Variants in FRMD4B observed in about 807,000 individuals in gnomAD.
FRMD4B encodes the protein FERM domain-containing protein 4B.
Under a neutral mutation model 141.5 loss-of-function variants are expected in FRMD4B, and 74 were observed. The observed-to-expected ratio is 0.52, with a 90% confidence interval of 0.43 to 0.63. The LOEUF is 0.63. FRMD4B is among the 30% of genes least tolerant of loss of function. The probability of loss-of-function intolerance (pLI) is 0.00; values close to 1 mark genes in which losing one functional copy is unlikely to be tolerated. For missense variants in FRMD4B, 1,366 were observed against 1,253.4 expected (o/e 1.09, Z -1.36); for synonymous variants, 506 against 467.9 (o/e 1.08, Z -1.05).
intron 17 of FRMD4B, among the ~76,000 whole-genome samples, chr3:69,190,291 A>G (rs1463474046): frequency 6.6e-6 from 1 of 152,228 alleles, no homozygotes; most frequent in Non-Finnish European, 1.5e-5. Context: ...GGAAAGAAAA[A>G]ATCATGCCAT....
chr3:69,399,208 C>A (rs566583161), intron 2 of FRMD4B, among the ~76,000 whole-genome samples: 1 of 152,142 alleles, frequency 6.6e-6, no homozygotes, highest in African/African-American at 2.4e-5. Flanking sequence ...TTTGGTACTT[C>A]GTTCATGGCC....
chr3:69,474,450 A>T (rs1218974160), intron 1 of FRMD4B, among the ~76,000 whole-genome samples: 3 of 152,116 alleles, frequency 2.0e-5, no homozygotes, highest in Non-Finnish European at 4.4e-5. Context: ...GTGTGTTCCA[A>T]GGGGAATTGG....
chr3:69,389,013 TC>T (rs1413003896), upstream of FRMD4B, among the ~76,000 whole-genome samples: 1 of 148,408 alleles, frequency 6.7e-6, no homozygotes, highest in East Asian at 2.0e-4. Context: ...CTCCCCAGTC[TC>T]CATTGTCTCT....
chr3:69,334,021 T>C (rs1702462356), intron 1 of FRMD4B: 1 of 152,202 alleles, frequency 6.6e-6, no homozygotes, highest in Non-Finnish European at 1.5e-5. Context: ...CATCCATCTC[T>C]AACAGGTCTC....
intron 1 of FRMD4B, among the ~76,000 whole-genome samples, chr3:69,454,958 T>C (rs1001792105): frequency 6.6e-6 from 1 of 152,250 alleles, no homozygotes; most frequent in East Asian, 1.9e-4. Flanking sequence ...CCATCAGCAT[T>C]CTGTGTCTAG....
At chr3:69,442,585 G>A (rs901882345) in intron 1 of FRMD4B, among the ~76,000 whole-genome samples, 3 of 152,024 alleles carry the variant, frequency 2.0e-5, no homozygotes, top group Admixed American at 2.0e-4. Flanking sequence ...GTATTTATGA[G>A]TATTAAATAC....
intron 1 of FRMD4B, among the ~76,000 whole-genome samples, chr3:69,540,760 C>A (rs1315534239): frequency 6.7e-6 from 1 of 150,306 alleles, no homozygotes; most frequent in African/African-American, 2.5e-5. Flanking sequence ...ACATCCCTTT[C>A]GGAGGCACTG....
At chr3:69,312,631 G>A (rs980582017) in intron 2 of FRMD4B, among the ~76,000 whole-genome samples, 3 of 152,232 alleles carry the variant, frequency 2.0e-5, no homozygotes, top group African/African-American at 7.2e-5. Flanking sequence ...GGGCGCAGAG[G>A]CTCACGCCTG....
chr3:69,478,419 G>C (rs892530656), intron 1 of FRMD4B, among the ~76,000 whole-genome samples: 37 of 152,118 alleles, frequency 2.4e-4, no homozygotes, highest in African/African-American at 8.7e-4. Context: ...TGTTCTCATT[G>C]GTTTCAAATA....
chr3:69,173,564 G>C (rs1422051401), intron 22 of FRMD4B, among the ~76,000 whole-genome samples: 2 of 152,044 alleles, frequency 1.3e-5, no homozygotes, highest in Non-Finnish European at 1.5e-5. Flanking sequence ...GAATTTTAGA[G>C]CAAATTTATA....
At chr3:69,217,780 T>C (rs1411783332) in intron 10 of FRMD4B, among the ~76,000 whole-genome samples, 3 of 152,230 alleles carry the variant, frequency 2.0e-5, no homozygotes, top group Admixed American at 1.3e-4. Flanking sequence ...TATAAAATTA[T>C]TTCTCTTCCA....
chr3:69,299,301 C>T (rs1037445198), intron 4 of FRMD4B, among the ~76,000 whole-genome samples: 16 of 152,180 alleles, frequency 1.1e-4, no homozygotes, highest in Non-Finnish European at 2.4e-4. Context: ...CTTTCCATGG[C>T]ATAAACAGTA....
intron 11 of FRMD4B, 59 bp downstream of exon 11, chr3:69,216,204 A>T: frequency 1.1e-6 from 1 of 906,432 alleles, no homozygotes; most frequent in East Asian, 2.6e-5. Context: ...CTTTTCAACT[A>T]TGTTGTGATT....
In FRMD4B at chr3:69,311,419, T is replaced by C. The variant is rs1575718766; in HGVS notation, c.229-62A>G. 3 of 738,784 alleles carry C rather than the reference T, an allele frequency of 4.1e-6. No homozygotes were observed. In the East Asian group the frequency reaches 7.6e-5, roughly 19 times the overall value. The allele number at this position is 738,784 out of a possible 1,614,324, so 45.8% of individuals were successfully genotyped here. A position where few individuals can be genotyped will look rare whatever the true frequency, so the allele number is the denominator to read the frequency against. On this transcript the variant is annotated intron_variant, in intron 2 of 22. Transcript: ENST00000398540. ...TGCCTCTCTCTTACTGCTACCACCT[T>C]CCTCTGCCCTAAATAATTTAAAGTA... is the stretch of plus-strand genomic sequence containing the variant.
chr3:69,274,050 G>A (rs1017581482), intron 5 of FRMD4B, among the ~76,000 whole-genome samples: 3 of 152,088 alleles, frequency 2.0e-5, no homozygotes, highest in African/African-American at 7.2e-5. Context: ...ATATCAAAAA[G>A]GCATGGAGGC....
At chr3:69,461,357 G>A (rs544211965) in intron 1 of FRMD4B, among the ~76,000 whole-genome samples, 5 of 151,228 alleles carry the variant, frequency 3.3e-5, no homozygotes, top group African/African-American at 1.2e-4. Context: ...CTGGGAGTTC[G>A]AGACCATCCT....
intron 1 of FRMD4B, among the ~76,000 whole-genome samples, chr3:69,530,869 C>T (rs188293771): frequency 1.3e-4 from 20 of 152,286 alleles, no homozygotes; most frequent in Admixed American, 9.2e-4. Context: ...CTCCACTTAA[C>T]GAAAAACATA....
At chr3:69,247,104 A>C (rs2093430499) in intron 7 of FRMD4B, among the ~76,000 whole-genome samples, 1 of 152,214 alleles carries the variant, frequency 6.6e-6, no homozygotes, top group Non-Finnish European at 1.5e-5. Context: ...AGTAATAATG[A>C]GGATAATAAT....
At chr3:69,250,020 A>C (rs774236222) in intron 6 of FRMD4B, 23 bp downstream of exon 6, 2 of 1,529,720 alleles carry the variant, frequency 1.3e-6, no homozygotes, top group Non-Finnish European at 1.8e-6. Context: ...GGAGCTGCTA[A>C]GAGGCAGTTT....
Sources: allele counts gnomAD v4.1 joint callset (sites outside exome capture counted in the v4.1 genomes callset), GRCh38; gene constraint gnomAD v4.1.1; transcripts MANE v1.5; gene names NCBI Gene and HGNC (gene_info 2026-07-23, HGNC 2026-07-21).